Variants in SLC35F3 observed in about 807,000 individuals in gnomAD.
SLC35F3 encodes solute carrier family 35 member F3, also known as putative thiamine transporter SLC35F3.
A neutral mutation model predicts 49.9 loss-of-function variants in SLC35F3; 25 were observed. The ratio of observed to expected loss-of-function variants is 0.50; its 90% CI spans 0.37 to 0.70. The LOEUF (loss-of-function observed/expected upper bound fraction) is 0.70. Among genes scored for constraint, SLC35F3 ranks in the 30% least tolerant of loss-of-function variants. The pLI is 0.00. For missense variants in SLC35F3, 525 were observed against 639.8 expected (o/e 0.82, Z 1.94); for synonymous variants, 275 against 265.4 (o/e 1.04, Z -0.35).
intron 2 of SLC35F3, among the ~76,000 whole-genome samples, chr1:234,087,136 C>A (rs1327015879): frequency 6.6e-6 from 1 of 152,178 alleles, no homozygotes; most frequent in Non-Finnish European, 1.5e-5. Flanking sequence ...ACCAGCAATA[C>A]CCCCACCACC....
At chr1:234,273,810 C>T (rs1160422139) in intron 3 of SLC35F3, among the ~76,000 whole-genome samples, 1 of 152,130 alleles carries the variant, frequency 6.6e-6, no homozygotes, top group African/African-American at 2.4e-5. Flanking sequence ...GGGAGGAATA[C>T]ACACAGTCTG....
At chr1:234,217,696 G>A (rs1305826562) in intron 2 of SLC35F3, among the ~76,000 whole-genome samples, 5 of 152,026 alleles carry the variant, frequency 3.3e-5, no homozygotes, top group Admixed American at 3.3e-4. Flanking sequence ...CTGAGAAGGA[G>A]GGCTTCTAAG....
rs571178784 is a variant in SLC35F3 at position 233,979,149 on chromosome 1, G to A, written c.283+73391G>A. ...TCAGGGCCAGGCCAGTCCACAGAACGTGGTCTAAGAAGACTTGAATTTCAA... is the reference window on the plus strand; with the variant it reads ...TCAGGGCCAGGCCAGTCCACAGAACATGGTCTAAGAAGACTTGAATTTCAA... On this transcript the variant is annotated intron_variant, in intron 2 of 7. Coordinates refer to ENST00000366618, the MANE Select transcript of SLC35F3 (RefSeq NM_173508.4). 8.0e-4 allele frequency among the ~76,000 whole-genome samples: 121 copies of A among 152,120 alleles called. 1 individual carries two copies. Among genetic ancestry groups the A allele is most frequent in the Non-Finnish European group, 1.1e-3 (76 of 68,018 alleles).
intron 2 of SLC35F3, among the ~76,000 whole-genome samples, chr1:234,123,963 G>C (rs1341049096): frequency 6.6e-6 from 1 of 152,168 alleles, no homozygotes; most frequent in Non-Finnish European, 1.5e-5. Flanking sequence ...AACCAGCTCA[G>C]TCCCCATAAT....
chr1:234,068,263 A>G (rs935799813), intron 2 of SLC35F3, among the ~76,000 whole-genome samples: 1 of 152,200 alleles, frequency 6.6e-6, no homozygotes, highest in African/African-American at 2.4e-5. Flanking sequence ...ACGCACCTCA[A>G]ACTTTCAGAA....
intron 3 of SLC35F3, among the ~76,000 whole-genome samples, chr1:234,299,804 C>CA (rs36039526): frequency 0.5 from 41,910 of 84,524 alleles, 11,242 homozygotes; most frequent in African/African-American, 0.72. Flanking sequence ...GACTCCATCT[C>CA]AAAAAAAAAA....
intron 2 of SLC35F3, among the ~76,000 whole-genome samples, chr1:234,181,338 G>GAAAAAAAAAAAAAAAAAAAA (rs34757532): frequency 2.1e-5 from 2 of 97,308 alleles, no homozygotes; most frequent in Non-Finnish European, 4.2e-5. Flanking sequence ...TCTGTCTCAA[G>GAAAAAAAAAAAAAAAAAAAA]AAAAAAAAAA....
At position 234,236,925 on chromosome 1, in the gene SLC35F3, T is replaced by TTATATATATATATATATATA. The variant is rs55846915; in HGVS notation, c.608+5204_608+5223dup. 2.7e-4 allele frequency among the ~76,000 whole-genome samples: 26 copies of TTATATATATATATATATATA among 96,276 alleles called. 2 individuals carry two copies. The highest frequency in any genetic ancestry group is 5.2e-4 in the East Asian group (1 of 1,914). 63.2% of individuals were successfully genotyped at this position (96,276 alleles called of 152,430 possible). A position where few individuals can be genotyped will look rare whatever the true frequency, so the allele number is the denominator to read the frequency against. On this transcript the variant is annotated intron_variant, in intron 3 of 7. Transcript: ENST00000366618. ...AGACAGTCTCCTATTAAAAAAAAAA[T>TTATATATATATATATATATA]TATATATATATATATATATATATAT...
At chr1:233,910,870 C>A (rs1397618476) in intron 2 of SLC35F3, among the ~76,000 whole-genome samples, 1 of 152,114 alleles carries the variant, frequency 6.6e-6, no homozygotes, top group East Asian at 1.9e-4. Context: ...AGTTTTAAGT[C>A]ATTTGTAGAA....
intron 2 of SLC35F3, among the ~76,000 whole-genome samples, chr1:234,103,668 C>A (rs777648306): frequency 6.6e-6 from 1 of 152,180 alleles, no homozygotes; most frequent in Non-Finnish European, 1.5e-5. Context: ...CTGTCAGGGG[C>A]AGACTCTGCT....
At chr1:234,184,365 T>C in intron 2 of SLC35F3, among the ~76,000 whole-genome samples, 1 of 152,164 alleles carries the variant, frequency 6.6e-6, no homozygotes. Flanking sequence ...TTTTATGTGG[T>C]TTGTAAAGTT....
At chr1:234,074,737 C>T (rs757100186) in intron 2 of SLC35F3, among the ~76,000 whole-genome samples, 18 of 152,146 alleles carry the variant, frequency 1.2e-4, no homozygotes, top group Non-Finnish European at 1.9e-4. Context: ...GAGGGTGGAG[C>T]GGAATTTGTG....
At chr1:234,268,586 C>T (rs1197399001) in intron 3 of SLC35F3, 1 of 152,204 alleles carries the variant, frequency 6.6e-6, no homozygotes, top group Non-Finnish European at 1.5e-5. Context: ...AGAATGATAG[C>T]AGCAGCAGTG....
intron 2 of SLC35F3, among the ~76,000 whole-genome samples, chr1:233,984,827 T>C (rs915381263): frequency 6.6e-6 from 1 of 152,178 alleles, no homozygotes; most frequent in African/African-American, 2.4e-5. Flanking sequence ...GGGACATATG[T>C]TAAGATGTTA....
intron 2 of SLC35F3, among the ~76,000 whole-genome samples, chr1:234,000,652 C>T (rs1663536914): frequency 6.6e-6 from 1 of 152,158 alleles, no homozygotes; most frequent in Non-Finnish European, 1.5e-5. Context: ...GGAACAGAAG[C>T]TAGGAAAGGG....
intron 3 of SLC35F3, among the ~76,000 whole-genome samples, chr1:234,288,477 G>A (rs970701382): frequency 1.3e-5 from 2 of 152,138 alleles, no homozygotes; most frequent in Non-Finnish European, 2.9e-5. Context: ...ACTGTGATTT[G>A]GTAAAAAATA....
intron 2 of SLC35F3, among the ~76,000 whole-genome samples, chr1:234,194,819 C>T (rs1666783690): frequency 2.0e-5 from 3 of 151,892 alleles, no homozygotes; most frequent in Admixed American, 2.0e-4. Context: ...TTGGAATATT[C>T]CAATTCAAAC....
chr1:234,208,691 G>C (rs1300531356), intron 2 of SLC35F3, among the ~76,000 whole-genome samples: 1 of 152,146 alleles, frequency 6.6e-6, no homozygotes, highest in Non-Finnish European at 1.5e-5. Context: ...TTACACTCCT[G>C]GCATGTGAGC....
chr1:234,014,740 A>G (rs1044977364), intron 2 of SLC35F3, among the ~76,000 whole-genome samples: 2 of 152,224 alleles, frequency 1.3e-5, no homozygotes. Context: ...AACTAAAACA[A>G]AATAAAATGC....
Sources: allele counts gnomAD v4.1 joint callset (sites outside exome capture counted in the v4.1 genomes callset), GRCh38; gene constraint gnomAD v4.1.1; transcripts MANE v1.5; gene names NCBI Gene and HGNC (gene_info 2026-07-23, HGNC 2026-07-21).